Variants in PIK3R3 observed in about 807,000 individuals in gnomAD.
PIK3R3 encodes the protein phosphatidylinositol 3-kinase regulatory subunit gamma.
In PIK3R3, 64 loss-of-function variants were observed where a neutral mutation model predicts 62.9. The ratio of observed to expected loss-of-function variants is 1.02; its 90% CI spans 0.83 to 1.25. PIK3R3 has a LOEUF of 1.25. Ranked by LOEUF, PIK3R3 falls within the 50% of genes most tolerant of loss-of-function variation. PIK3R3 has a pLI of 0.00. For synonymous variants in PIK3R3, 165 were observed against 189.0 expected (o/e 0.87, Z 1.04); for missense variants, 614 against 561.6 (o/e 1.09, Z -0.94).
chr1:46,087,112 C>T (rs1361514389), intron 1 of PIK3R3, among the ~76,000 whole-genome samples: 3 of 152,038 alleles, frequency 2.0e-5, no homozygotes, highest in Non-Finnish European at 4.4e-5. Flanking sequence ...CACCAGGGCC[C>T]GTCGTGTGTG....
intron 1 of PIK3R3, among the ~76,000 whole-genome samples, chr1:46,082,015 TAAATA>T (rs1236711574): frequency 6.6e-6 from 1 of 151,764 alleles, no homozygotes; most frequent in East Asian, 1.9e-4. Flanking sequence ...AATAAATAAA[TAAATA>T]AAAGAAACAA....
the PIK3R3 span, among the ~76,000 whole-genome samples, chr1:46,149,526 G>GGTTTTT: frequency 8.6e-5 from 13 of 151,862 alleles, no homozygotes; most frequent in African/African-American, 3.1e-4. Flanking sequence ...GTGTGTGTGT[G>GGTTTTT]GTTTTTGTTT....
intron 1 of PIK3R3, among the ~76,000 whole-genome samples, chr1:46,104,273 G>A (rs902891376): frequency 4.6e-5 from 7 of 152,120 alleles, no homozygotes; most frequent in South Asian, 4.1e-4. Context: ...GAAATCGTAC[G>A]GGCCTAGAAT....
intron 1 of PIK3R3, among the ~76,000 whole-genome samples, chr1:46,101,980 C>CTTTTTTTTTTTT (rs538688681): frequency 1.1e-5 from 1 of 89,942 alleles, no homozygotes; most frequent in Non-Finnish European, 2.0e-5. Context: ...GAATTGTATA[C>CTTTTTTTTTTTT]TTTTTTTTTT....
upstream of PIK3R3, chr1:46,132,818 A>T (rs958665677): frequency 1.6e-6 from 2 of 1,223,618 alleles, no homozygotes; most frequent in Non-Finnish European, 2.1e-6. Flanking sequence ...ACATGTTCAA[A>T]AAGCTGCTCT....
At chr1:46,077,353 A>AAT (rs1650156324) in intron 3 of PIK3R3, among the ~76,000 whole-genome samples, 162 bp downstream of exon 3, 2 of 152,184 alleles carry the variant, frequency 1.3e-5, no homozygotes, top group South Asian at 4.1e-4. Context: ...TTAAATACTT[A>AAT]ATGTATAGAA....
At chr1:46,112,205 T>C (rs1257471502) in intron 1 of PIK3R3, among the ~76,000 whole-genome samples, 1 of 152,214 alleles carries the variant, frequency 6.6e-6, no homozygotes, top group Non-Finnish European at 1.5e-5. Flanking sequence ...AATGGGATCT[T>C]ATTATACACA....
intron 1 of PIK3R3, among the ~76,000 whole-genome samples, chr1:46,119,204 G>A (rs566957520): frequency 2.0e-5 from 3 of 152,168 alleles, no homozygotes. Context: ...TACAGTCCAT[G>A]AAGCATTTTT....
chr1:46,076,853 A>G (rs1650113222), intron 3 of PIK3R3, among the ~76,000 whole-genome samples: 1 of 152,234 alleles, frequency 6.6e-6, no homozygotes, highest in African/African-American at 2.4e-5. Context: ...TAAAGGCCTT[A>G]GTACAAGAAA....
intron 1 of PIK3R3, among the ~76,000 whole-genome samples, chr1:46,122,553 A>C (rs1278889998): frequency 2.0e-5 from 3 of 152,096 alleles, no homozygotes; most frequent in African/African-American, 7.2e-5. Context: ...TTTTTAGTAG[A>C]GATAGGGTTT....
chr1:46,151,957 C>T, the PIK3R3 span, among the ~76,000 whole-genome samples: 1 of 152,168 alleles, frequency 6.6e-6, no homozygotes, highest in African/African-American at 2.4e-5. Context: ...TAAAAGACCA[C>T]CCTGGGTTTG....
At chr1:46,114,835 G>A (rs1654045435) in intron 1 of PIK3R3, among the ~76,000 whole-genome samples, 1 of 121,018 alleles carries the variant, frequency 8.3e-6, no homozygotes, top group African/African-American at 3.3e-5. Flanking sequence ...GGCTGATCTT[G>A]AATTCCTGGA....
At chr1:46,062,576 A>G (rs201448257) in intron 5 of PIK3R3, among the ~76,000 whole-genome samples, 1 of 151,086 alleles carries the variant, frequency 6.6e-6, no homozygotes, top group South Asian at 2.1e-4. Flanking sequence ...CTTTGTCTCA[A>G]AAAAACAAAA....
chr1:46,061,746 G>A (rs1321780040), intron 6 of PIK3R3, among the ~76,000 whole-genome samples, 183 bp downstream of exon 6: 2 of 152,192 alleles, frequency 1.3e-5, no homozygotes, highest in African/African-American at 4.8e-5. Context: ...TATCCGTTTG[G>A]GAGAATGAAC....
rs113892364 is a variant in PIK3R3, at chr1:46,109,761, C to T, written c.106+22086G>A. 2.9e-3 allele frequency among the ~76,000 whole-genome samples: 441 copies of T among 152,234 alleles called. 4 individuals are homozygous for T. The highest frequency in any genetic ancestry group is 0.01 in the African/African-American group (422 of 41,546). ...CCTCCCAAAGTTCTGGGATTACAGG[C>T]GTGAGCTACCACGCCCGACCAATCT... On this transcript the variant is annotated intron_variant, in intron 1 of 9. Coordinates refer to ENST00000262741, the MANE Select transcript of PIK3R3 (RefSeq NM_003629.4).
At chr1:46,087,268 TA>T (rs1248036425) in intron 1 of PIK3R3, among the ~76,000 whole-genome samples, 1 of 141,212 alleles carries the variant, frequency 7.1e-6, no homozygotes, top group South Asian at 2.2e-4. Context: ...AGTATAATAA[TA>T]AAAAAAAGAA....
At chr1:46,107,237 C>T (rs1369623272) in intron 1 of PIK3R3, among the ~76,000 whole-genome samples, 2 of 152,034 alleles carry the variant, frequency 1.3e-5, no homozygotes, top group Admixed American at 6.6e-5. Flanking sequence ...GTAATCCCAG[C>T]TACTCCGGAG....
chr1:46,083,389 T>C (rs939710200), intron 1 of PIK3R3, among the ~76,000 whole-genome samples: 3 of 152,046 alleles, frequency 2.0e-5, no homozygotes, highest in East Asian at 1.9e-4. Context: ...AAGAAAAAAA[T>C]AGATTAACTG....
At chr1:46,120,679 G>A (rs1292982681) in intron 1 of PIK3R3, among the ~76,000 whole-genome samples, 1 of 152,218 alleles carries the variant, frequency 6.6e-6, no homozygotes, top group African/African-American at 2.4e-5. Context: ...TAACACTGAA[G>A]AGAGTTATGG....
Sources: allele counts gnomAD v4.1 joint callset (sites outside exome capture counted in the v4.1 genomes callset), GRCh38; gene constraint gnomAD v4.1.1; transcripts MANE v1.5; gene names NCBI Gene and HGNC (gene_info 2026-07-23, HGNC 2026-07-21).